The following NAXD variants were observed in gnomAD, a reference collection of about 807,000 sequenced individuals.
NAXD encodes NAD(P)HX dehydratase.
NAXD carries 22 observed loss-of-function variants against 35.8 expected under a neutral mutation model. That is an observed-to-expected ratio of 0.62 (90% confidence interval 0.44 to 0.88). The LOEUF (loss-of-function observed/expected upper bound fraction) is 0.88, where lower values mean the gene tolerates loss of function less well. Ranked by LOEUF, NAXD falls within the 40% of genes least tolerant of loss-of-function variation. The probability of loss-of-function intolerance (pLI) is 0.00; values close to 1 mark genes in which losing one functional copy is unlikely to be tolerated. For missense variants in NAXD, 428 were observed against 437.7 expected (o/e 0.98, Z 0.20); for synonymous variants, 189 against 177.6 (o/e 1.06, Z -0.51).
intron 9 of NAXD, among the ~76,000 whole-genome samples, chr13:110,637,532 T>C (rs1335163455): frequency 2.0e-5 from 3 of 152,180 alleles, no homozygotes; most frequent in Non-Finnish European, 1.5e-5. Flanking sequence ...AGCACGCTGT[T>C]CTGGGAAGTT....
At chr13:110,633,843 T>A (rs973209323) in intron 5 of NAXD, among the ~76,000 whole-genome samples, 2 of 152,210 alleles carry the variant, frequency 1.3e-5, no homozygotes, top group Admixed American at 1.3e-4. Context: ...ATTGTTGTTA[T>A]TTTAAAACGT....
At chr13:110,626,253 GGC>G (rs1886478358) in intron 4 of NAXD, among the ~76,000 whole-genome samples, 1 of 147,180 alleles carries the variant, frequency 6.8e-6, no homozygotes, top group African/African-American at 2.5e-5. Context: ...TGGTGAGAGG[GGC>G]CGGATTCTGG....
intron 1 of NAXD, chr13:110,616,389 C>A (rs891471089): frequency 3.9e-5 from 6 of 152,742 alleles, no homozygotes; most frequent in Non-Finnish European, 8.8e-5. Flanking sequence ...CTCCACCAGC[C>A]AGGCCTCCTT....
rs1275234253 is a variant in NAXD, at chr13:110,628,946, G to T, written c.441+1399G>T. 2.0e-5 allele frequency among the ~76,000 whole-genome samples: 3 copies of T among 150,274 alleles called. No individual in the cohort carries two copies. Among genetic ancestry groups the T allele is most frequent in the Non-Finnish European group, 4.4e-5 (3 of 68,034 alleles). ...ATCTTAAAAAACCACTGTACTGCGT[G>T]GAAGTGTGAAAGGTGGGAAGTGAGG... On this transcript the variant is annotated intron_variant, in intron 5 of 9. Coordinates refer to ENST00000680254, the MANE Select transcript of NAXD (RefSeq NM_001242882.2). The surrounding 1 kb of genome is among the most constrained non-coding windows in gnomAD (Gnocchi z 4.1).
intron 8 of NAXD, 28 bp from the exon 9 acceptor site, chr13:110,637,101 C>G (rs768097312): frequency 6.3e-7 from 1 of 1,587,886 alleles, no homozygotes; most frequent in East Asian, 2.3e-5. Flanking sequence ...GCCATGCTGA[C>G]ACCTGCTCTC....
At chr13:110,627,128 T>C (rs1337364479) in intron 4 of NAXD, among the ~76,000 whole-genome samples, 1 of 152,152 alleles carries the variant, frequency 6.6e-6, no homozygotes, top group Non-Finnish European at 1.5e-5. Context: ...GGTCCTGACA[T>C]GGGAAGAGGA....
Position 110,632,395 on chromosome 13 carries a change from G to A in NAXD, c.442-2150G>A, listed in dbSNP as rs187780548. Among the ~76,000 whole-genome samples the A allele has an allele frequency of 5.9e-5, 9 of 152,322 alleles. No homozygotes were observed. In the East Asian group the frequency reaches 9.7e-4, roughly 16 times the overall value. On this transcript the variant is annotated intron_variant, in intron 5 of 9. Coordinates refer to ENST00000680254, the MANE Select transcript of NAXD (RefSeq NM_001242882.2). Reference sequence around the variant, plus strand: ...AGCGAAAGAACAAAGTTTCCACAGCGTGGAAGGGGACCCGAGCGGGTTACC... The same window carrying A: ...AGCGAAAGAACAAAGTTTCCACAGCATGGAAGGGGACCCGAGCGGGTTACC...
chr13:110,627,566 C>G lies in NAXD; in HGVS notation c.441+19C>G, dbSNP rs771788978. Reference sequence around the variant, plus strand: ...TGTCCAGGTAATGTGTATACTCACTCACTTCCCTCATGACAGGCTTAGCCT... The same window carrying G: ...TGTCCAGGTAATGTGTATACTCACTGACTTCCCTCATGACAGGCTTAGCCT... On this transcript the variant is annotated intron_variant, in intron 5 of 9. Transcript: ENST00000680254. The G allele has an allele frequency of 6.5e-7, 1 of 1,528,648 alleles. No homozygotes were observed. The highest frequency in any genetic ancestry group is 1.7e-5 in the Admixed American group (1 of 59,766). 94.7% of individuals were successfully genotyped at this position (1,528,648 alleles called of 1,614,324 possible).
rs137876156 is a variant in NAXD, at chr13:110,634,700, C to T, written c.521C>T (p.Pro174Leu). The change falls in exon 7 of 10, where the codon CCG (proline) becomes CTG (leucine). Residue 174 changes from proline to leucine, a missense_variant. Transcript: ENST00000680254. The stretch of plus-strand genomic sequence containing the variant: ...GGCCTGTGGCTGGTCGCTCAGCAGC[C>T]GGCCCTCATCCATGGCTACCGGAAG... ...ADGLWLVAQQ[P>L]ALIHGYRKAV... 1,959 of 1,614,142 alleles carry T rather than the reference C, an allele frequency of 1.2e-3. 5 individuals are homozygous for T. Among genetic ancestry groups the T allele is most frequent in the South Asian group, 2.9e-3 (263 of 91,082 alleles).
At chr13:110,625,073 G>A in intron 3 of NAXD, 117 bp from the exon 4 acceptor site, 1 of 725,432 alleles carries the variant, frequency 1.4e-6, no homozygotes, top group Admixed American at 2.2e-5. Flanking sequence ...ATCCGAGCTA[G>A]TACGTTTCTC....
chr13:110,627,060 G>A (rs1403730083), intron 4 of NAXD, among the ~76,000 whole-genome samples: 2 of 152,198 alleles, frequency 1.3e-5, no homozygotes, highest in Admixed American at 6.5e-5. Flanking sequence ...GTAAATCTGG[G>A]CATTAAAAGA....
chr13:110,623,835 C>G (rs1204932642), intron 2 of NAXD, among the ~76,000 whole-genome samples: 2 of 151,986 alleles, frequency 1.3e-5, no homozygotes, highest in Non-Finnish European at 1.5e-5. Flanking sequence ...AAACCCTGTC[C>G]CTACTAAAAC....
intron 9 of NAXD, among the ~76,000 whole-genome samples, chr13:110,637,978 C>A (rs1358785504): frequency 6.8e-6 from 1 of 146,612 alleles, no homozygotes; most frequent in African/African-American, 2.4e-5. Flanking sequence ...GTTGCCTCCA[C>A]CCCTCCCCCA....
In NAXD at chr13:110,634,775, TG is replaced by T; in HGVS notation, c.597+1del. 6.2e-7 allele frequency: 1 copy of T among 1,611,344 alleles called. No homozygotes were observed. The highest frequency in any genetic ancestry group is 8.5e-7 in the Non-Finnish European group (1 of 1,177,740). On this transcript the variant is annotated frameshift_variant and splice_region_variant, in exon 7 of 10. Coordinates refer to ENST00000680254, the MANE Select transcript of NAXD (RefSeq NM_001242882.2). LOFTEE classifies it high-confidence loss of function. ...HVEFSRLYDA[V>X]LRGPMDSDDS... ...GAGTTCAGCAGACTGTATGACGCTG[TG>T]GTGAGTCAGTGGACCCCCTGGAGGG...
intron 5 of NAXD, among the ~76,000 whole-genome samples, chr13:110,634,032 T>G (rs575092922): frequency 6.6e-6 from 1 of 152,354 alleles, no homozygotes; most frequent in Admixed American, 6.5e-5. Flanking sequence ...TCATAGCGTT[T>G]CCAGTGGGCT....
rs984404461 is a variant in NAXD at position 110,628,074 on chromosome 13, A to G, written c.441+527A>G. 2.0e-5 allele frequency among the ~76,000 whole-genome samples: 3 copies of G among 152,232 alleles called. No homozygotes were observed. The highest frequency in any genetic ancestry group is 2.1e-4 in the South Asian group (1 of 4,826). On this transcript the variant is annotated intron_variant, in intron 5 of 9. Transcript: ENST00000680254. The surrounding 1 kb of genome is among the most constrained non-coding windows in gnomAD (Gnocchi z 4.1). ...GTATTTCTTTCTTAAAGTTCATCTTATGCCCACCTAAATCCAAAAGATGAA... is the reference window on the plus strand; with the variant it reads ...GTATTTCTTTCTTAAAGTTCATCTTGTGCCCACCTAAATCCAAAAGATGAA...
In NAXD at chr13:110,618,036, C is replaced by T. The variant is rs184352240; in HGVS notation, c.46+2389C>T. Among the ~76,000 whole-genome samples the T allele has an allele frequency of 4.6e-5, 7 of 152,290 alleles. No individual in the cohort carries two copies. The East Asian group carries it at 1.2e-3, about 25-fold the overall frequency. On this transcript the variant is annotated intron_variant, in intron 1 of 9. Transcript: ENST00000680254. ...TTCTCTGCCAGTCCAGACATAAGAA[C>T]TTCCTTCTTATGTCCAGGTCAGCCC...
In NAXD at chr13:110,639,069, A is replaced by G. The variant is rs778861489; in HGVS notation, c.*541A>G. On this transcript the variant is annotated 3_prime_UTR_variant, in exon 10 of 10. Transcript: ENST00000680254. ...TTAAAGTGGTGACTAGCTTGGTGGT[A>G]TCTGGCTGCTGGTGTTTGGCTTATT... 6 of 258,212 alleles carry G rather than the reference A, an allele frequency of 2.3e-5. No individual in the cohort carries two copies. Among genetic ancestry groups the G allele is most frequent in the Admixed American group, 4.9e-5 (1 of 20,524 alleles). 16.0% of individuals were successfully genotyped at this position (258,212 alleles called of 1,614,324 possible).
At position 110,638,594 on chromosome 13, in the gene NAXD, C is replaced by G. The variant is rs752471489; in HGVS notation, c.*66C>G. On this transcript the variant is annotated 3_prime_UTR_variant, in exon 10 of 10. Coordinates refer to ENST00000680254, the MANE Select transcript of NAXD (RefSeq NM_001242882.2). The surrounding 1 kb of genome is among the most constrained non-coding windows in gnomAD (Gnocchi z 5.4). Reference sequence around the variant, plus strand: ...GAGAGCGTGTGTGTGATGGGAAAATCCGGACCCACGCGTGTGCTGAAGGCG... The same window carrying G: ...GAGAGCGTGTGTGTGATGGGAAAATGCGGACCCACGCGTGTGCTGAAGGCG... The G allele has an allele frequency of 3.0e-5, 47 of 1,579,976 alleles. No individual in the cohort carries two copies. The African/African-American group carries it at 5.9e-4, about 20-fold the overall frequency.
Sources: gnomAD v4.1 joint callset for allele counts (sites outside exome capture counted in the v4.1 genomes callset) on GRCh38, gnomAD v4.1.1 for gene constraint, Gnocchi (gnomAD v3.1) non-coding constraint, MANE v1.5 for transcripts, NCBI Gene and HGNC (gene_info 2026-07-23, HGNC 2026-07-21) for gene names.